Variants in GNG12 observed in about 807,000 individuals in gnomAD.
GNG12 encodes G protein subunit gamma 12.
For missense variants in GNG12, 69 were observed against 83.8 expected (o/e 0.82, Z 0.69); for synonymous variants, 28 against 29.7 (o/e 0.94, Z 0.19).
intron 2 of GNG12, among the ~76,000 whole-genome samples, chr1:67,776,115 G>C (rs962514517): frequency 6.6e-6 from 1 of 152,052 alleles, no homozygotes; most frequent in African/African-American, 2.4e-5. Flanking sequence ...GTAGAATGGA[G>C]GGAGGGCTGG....
In GNG12 at chr1:67,704,072, T is replaced by C. The variant is rs569498046; in HGVS notation, c.*1379A>G. 5.9e-5 allele frequency: 9 copies of C among 152,374 alleles called. No individual in the cohort carries two copies. Among genetic ancestry groups the C allele is most frequent in the African/African-American group, 1.9e-4 (8 of 41,586 alleles). 9.4% of individuals were successfully genotyped at this position (152,374 alleles called of 1,614,324 possible). A position where few individuals can be genotyped will look rare whatever the true frequency, so the allele number is the denominator to read the frequency against. ...TAAAGTCAAGATACCTTATTGGCCA[T>C]AGGAGATTCCTCCTTTTGGGGCTAC... On this transcript the variant is annotated 3_prime_UTR_variant, in exon 4 of 4. Coordinates refer to ENST00000370982, the MANE Select transcript of GNG12 (RefSeq NM_018841.6).
chr1:67,793,706 G>A (rs1047266198), intron 1 of GNG12, among the ~76,000 whole-genome samples: 2 of 152,138 alleles, frequency 1.3e-5, no homozygotes, highest in Non-Finnish European at 2.9e-5. Context: ...CCCCACACTG[G>A]TGACATTCTG....
In GNG12 at chr1:67,705,197, C is replaced by A. The variant is rs1646239513; in HGVS notation, c.*254G>T. On this transcript the variant is annotated 3_prime_UTR_variant, in exon 4 of 4. Coordinates refer to ENST00000370982, the MANE Select transcript of GNG12 (RefSeq NM_018841.6). Reference sequence around the variant, plus strand: ...TTTTAAAAAGGCCCAGATCAACTTTCCTTAAACAGTAACCCAACATAAAGC... The same window carrying A: ...TTTTAAAAAGGCCCAGATCAACTTTACTTAAACAGTAACCCAACATAAAGC... The A allele has an allele frequency of 3.1e-6, 1 of 322,470 alleles. No homozygotes were observed. The highest frequency in any genetic ancestry group is 5.3e-6 in the Non-Finnish European group (1 of 189,820). 20.0% of individuals were successfully genotyped at this position (322,470 alleles called of 1,614,324 possible).
intron 2 of GNG12, among the ~76,000 whole-genome samples, chr1:67,775,784 T>A (rs1646701500): frequency 6.6e-6 from 1 of 152,010 alleles, no homozygotes; most frequent in South Asian, 2.1e-4. Context: ...GCAGGCAAGA[T>A]CACAGATGGC....
chr1:67,832,701 C>T (rs1338157993), intron 1 of GNG12, among the ~76,000 whole-genome samples: 1 of 152,156 alleles, frequency 6.6e-6, no homozygotes, highest in Non-Finnish European at 1.5e-5. Context: ...GGTCCCCACT[C>T]GGGGGTCCCT....
intron 1 of GNG12, among the ~76,000 whole-genome samples, chr1:67,815,643 T>C (rs1362092963): frequency 6.6e-6 from 1 of 152,100 alleles, no homozygotes; most frequent in Non-Finnish European, 1.5e-5. Flanking sequence ...AATTTGTAAG[T>C]AGGAAGAGTT....
intron 2 of GNG12, among the ~76,000 whole-genome samples, chr1:67,764,693 G>A (rs1163754601): frequency 6.6e-6 from 1 of 152,134 alleles, no homozygotes; most frequent in African/African-American, 2.4e-5. Context: ...GTATATGCGT[G>A]TGTGTATATG....
chr1:67,710,114 T>TTA (rs1177283416), intron 2 of GNG12, among the ~76,000 whole-genome samples: 3 of 12,274 alleles, frequency 2.4e-4, no homozygotes, highest in Non-Finnish European at 3.4e-4. Flanking sequence ...ATATATATAG[T>TTA]TATATATATA....
chr1:67,832,979 C>T (rs530352486), intron 1 of GNG12, among the ~76,000 whole-genome samples: 23 of 152,136 alleles, frequency 1.5e-4, no homozygotes, highest in Non-Finnish European at 2.8e-4. Context: ...CAAGCGAGCT[C>T]AAGGGGAGAC....
chr1:67,833,279 C>T, intron 1 of GNG12, 65 bp downstream of exon 1: 1 of 594,450 alleles, frequency 1.7e-6, no homozygotes, highest in Non-Finnish European at 2.1e-6. Context: ...TGGCCGACGC[C>T]CCGCGCCGCG....
chr1:67,740,098 T>C (rs1646474201), intron 2 of GNG12, among the ~76,000 whole-genome samples: 1 of 152,240 alleles, frequency 6.6e-6, no homozygotes, highest in East Asian at 1.9e-4. Flanking sequence ...CAAGATTGTA[T>C]TGCTATATAA....
At chr1:67,756,622 G>A (rs1214764921) in intron 2 of GNG12, among the ~76,000 whole-genome samples, 5 of 152,172 alleles carry the variant, frequency 3.3e-5, no homozygotes, top group Non-Finnish European at 7.3e-5. Flanking sequence ...ATGAGTGCAC[G>A]TGTGTGTGCA....
chr1:67,724,190 G>T (rs1646372569), intron 2 of GNG12, among the ~76,000 whole-genome samples: 1 of 152,162 alleles, frequency 6.6e-6, no homozygotes, highest in Non-Finnish European at 1.5e-5. Flanking sequence ...GTGAAGATGT[G>T]CAAAGAGGGT....
At chr1:67,731,146 C>T (rs770274730) in intron 2 of GNG12, among the ~76,000 whole-genome samples, 2 of 152,064 alleles carry the variant, frequency 1.3e-5, no homozygotes, top group African/African-American at 2.4e-5. Flanking sequence ...TCTCTGACTT[C>T]CCCCTCTTGA....
chr1:67,746,325 T>C (rs1368458984), intron 2 of GNG12, among the ~76,000 whole-genome samples: 2 of 152,232 alleles, frequency 1.3e-5, no homozygotes. Flanking sequence ...AAAGAAACGT[T>C]TCTCTTCCAT....
chr1:67,794,003 T>G (rs1419057664), intron 1 of GNG12, among the ~76,000 whole-genome samples: 1 of 152,156 alleles, frequency 6.6e-6, no homozygotes, highest in African/African-American at 2.4e-5. Flanking sequence ...TAAACTCTCA[T>G]AGAGAGACAT....
chr1:67,779,139 T>C (rs944593891), intron 1 of GNG12, among the ~76,000 whole-genome samples: 3 of 152,184 alleles, frequency 2.0e-5, no homozygotes, highest in East Asian at 1.9e-4. Context: ...GTCTTTTAGA[T>C]AGATATCCCT....
rs143748154 is a variant in GNG12 at position 67,766,417 on chromosome 1, C to G, written c.-27+11041G>C. Among the ~76,000 whole-genome samples the G allele has an allele frequency of 1.4e-3, 216 of 152,230 alleles. 1 individual carries two copies. Among genetic ancestry groups the G allele is most frequent in the African/African-American group, 5.0e-3 (207 of 41,530 alleles). On this transcript the variant is annotated intron_variant, in intron 2 of 3. Transcript: ENST00000370982. ...GCTCCTGCTTCTTCTCAATACATTT[C>G]ACTTCGGCTGATGAGCAAAGCAGCC...
rs566168851 is a variant in GNG12, at chr1:67,746,722, G to A, written c.-27+30736C>T. On this transcript the variant is annotated intron_variant, in intron 2 of 3. Coordinates refer to ENST00000370982, the MANE Select transcript of GNG12 (RefSeq NM_018841.6). ...TTTTAAATTATGTGCAAAAAATTAC[G>A]CTTAAGACCCAGAGAGTATTAGTAA... Among the ~76,000 whole-genome samples, 8 of 152,304 alleles carry A rather than the reference G, an allele frequency of 5.3e-5. No homozygotes were observed. The South Asian group carries it at 1.4e-3, about 28-fold the overall frequency.
Sources: allele counts gnomAD v4.1 joint callset (sites outside exome capture counted in the v4.1 genomes callset), GRCh38; gene constraint gnomAD v4.1.1; transcripts MANE v1.5; gene names NCBI Gene and HGNC (gene_info 2026-07-23, HGNC 2026-07-21).